The following COL5A1 variants were observed in gnomAD, a reference collection of about 807,000 sequenced individuals.
COL5A1 encodes the protein collagen type V alpha 1 chain.
Under a neutral mutation model 263.7 loss-of-function variants are expected in COL5A1, and 16 were observed. The ratio of observed to expected loss-of-function variants is 0.06; its 90% CI spans 0.04 to 0.09. COL5A1 has a LOEUF of 0.09. Ranked by LOEUF, COL5A1 falls within the 10% of genes least tolerant of loss-of-function variation. The pLI, the probability that COL5A1 is intolerant of heterozygous loss-of-function variation, is 1.00. For missense variants in COL5A1, 2,036 were observed against 2,540.5 expected, an observed-to-expected ratio of 0.80 and a Z score of 4.27; for synonymous variants, 1,012 against 1,004.5, an observed-to-expected ratio of 1.01 and a Z score of -0.14.
In COL5A1 at chr9:134,824,706, T is replaced by G. The variant is rs757152530; in HGVS notation, c.4805T>G (p.Val1602Gly). The G allele has an allele frequency of 6.2e-7, 1 of 1,614,124 alleles. No individual in the cohort carries two copies. Among genetic ancestry groups the G allele is most frequent in the South Asian group, 1.1e-5 (1 of 91,086 alleles). Residue 1602 changes from valine to glycine, a missense_variant, in exon 62 of 66, where the codon GTG becomes GGG. Val to Gly is a moderately radical substitution (Grantham distance 109, BLOSUM62 -3). This residue lies in a region of COL5A1 where 358 missense variants were observed against 384.6 expected (regional missense o/e 0.93). Coordinates refer to ENST00000371817, the MANE Select transcript of COL5A1 (RefSeq NM_000093.5). ...LLDDGNGENY[V>G]DYADGMEEIF... is the part of the protein sequence containing the mutation. ...GACGACGGGAATGGCGAGAACTACG[T>G]GGACTACGCGGACGGCATGGAAGAG...
At chr9:134,796,352 C>T (rs1045146663) in intron 34 of COL5A1, 22 bp from the exon 35 acceptor site, 5 of 1,613,204 alleles carry the variant, frequency 3.1e-6, no homozygotes, top group African/African-American at 2.7e-5. Flanking sequence ...TAAGCTTTTC[C>T]CCCCTCTCCT....
chr9:134,758,659 G>A lies in COL5A1; in HGVS notation c.1935+363G>A, dbSNP rs923705546. Reference sequence around the variant, plus strand: ...AATCCAAGCAGCTGCCATTTCAGGGGCGGCCAAGGACACTTTGCAATATTA... The same window carrying A: ...AATCCAAGCAGCTGCCATTTCAGGGACGGCCAAGGACACTTTGCAATATTA... On this transcript the variant is annotated intron_variant, in intron 18 of 65. Coordinates refer to ENST00000371817, the MANE Select transcript of COL5A1 (RefSeq NM_000093.5). The surrounding 1 kb of genome is among the most constrained non-coding windows in gnomAD (Gnocchi z 4.1). 1.3e-5 allele frequency among the ~76,000 whole-genome samples: 2 copies of A among 152,160 alleles called. No homozygotes were observed. Among genetic ancestry groups the A allele is most frequent in the Admixed American group, 6.5e-5 (1 of 15,278 alleles).
chr9:134,829,470 C>G (rs1839491137), intron 63 of COL5A1, among the ~76,000 whole-genome samples: 1 of 149,228 alleles, frequency 6.7e-6, no homozygotes, highest in Non-Finnish European at 1.5e-5. Flanking sequence ...TCCGGTCTCC[C>G]CGAGGGCCCA....
intron 24 of COL5A1, 104 bp downstream of exon 24, chr9:134,767,458 T>C: frequency 1.9e-6 from 2 of 1,079,708 alleles, no homozygotes; most frequent in South Asian, 2.6e-5. Context: ...TCAATGTATA[T>C]CTTGGTGCTC....
At chr9:134,719,828 C>T (rs960465077) in intron 4 of COL5A1, among the ~76,000 whole-genome samples, 23 of 152,194 alleles carry the variant, frequency 1.5e-4, no homozygotes, top group Middle Eastern at 3.2e-3. Context: ...GAGGTGACAC[C>T]TATTGCCCTG....
chr9:134,814,281 G>A (rs758340356), intron 49 of COL5A1, among the ~76,000 whole-genome samples: 8 of 152,206 alleles, frequency 5.3e-5, no homozygotes, highest in Non-Finnish European at 1.2e-4. Context: ...ACCCTCTGTA[G>A]TGTTTGCTCC....
At chr9:134,813,017 G>A (rs1426023816) in intron 48 of COL5A1, among the ~76,000 whole-genome samples, 1 of 152,116 alleles carries the variant, frequency 6.6e-6, no homozygotes, top group African/African-American at 2.4e-5. Flanking sequence ...TGCCCCACCA[G>A]CAAAGCCCCT....
chr9:134,657,630 G>A (rs576629399), intron 1 of COL5A1, among the ~76,000 whole-genome samples: 1 of 138,740 alleles, frequency 7.2e-6, no homozygotes, highest in African/African-American at 2.8e-5. Flanking sequence ...GATAATATGG[G>A]GGGTGGGGTA....
Position 134,790,851 on chromosome 9 carries a change from G to A in COL5A1, c.2700+1643G>A, listed in dbSNP as rs577042906. Among the ~76,000 whole-genome samples the A allele has an allele frequency of 7.2e-4, 109 of 152,018 alleles. 1 individual carries two copies. Among genetic ancestry groups the A allele is most frequent in the South Asian group, 3.7e-3 (18 of 4,802 alleles). On this transcript the variant is annotated intron_variant, in intron 32 of 65. Transcript: ENST00000371817. ...CCGGTGGGCTGCTCCTGTGCTGGGGGACCTTTCACACTGCACTGCAGTGAG... is the reference window on the plus strand; with the variant it reads ...CCGGTGGGCTGCTCCTGTGCTGGGGAACCTTTCACACTGCACTGCAGTGAG...
intron 1 of COL5A1, among the ~76,000 whole-genome samples, chr9:134,659,225 A>G (rs1436769352): frequency 6.6e-6 from 1 of 152,096 alleles, no homozygotes; most frequent in Non-Finnish European, 1.5e-5. Flanking sequence ...TGTCTCTACT[A>G]AAAATACAAA....
At chr9:134,732,149 C>T in intron 9 of COL5A1, 22 bp downstream of exon 9, 3 of 1,613,976 alleles carry the variant, frequency 1.9e-6, no homozygotes, top group African/African-American at 1.3e-5. Flanking sequence ...TTCTCATTCC[C>T]TCCCTGCGCC....
At chr9:134,784,082 C>T (rs563256340) in intron 29 of COL5A1, among the ~76,000 whole-genome samples, 1 of 152,238 alleles carries the variant, frequency 6.6e-6, no homozygotes, top group Admixed American at 6.5e-5. Context: ...ACCCCATATG[C>T]GGACCTCTTC....
chr9:134,837,485 T>C (rs992384592), intron 65 of COL5A1, among the ~76,000 whole-genome samples: 3 of 151,954 alleles, frequency 2.0e-5, no homozygotes, highest in Non-Finnish European at 4.4e-5. Flanking sequence ...ACTTCTTCCA[T>C]CCCAGTTCCT....
At position 134,700,305 on chromosome 9, in the gene COL5A1, A is replaced by T. The variant is rs1833623856; in HGVS notation, c.491+183A>T. On this transcript the variant is annotated intron_variant, in intron 3 of 65. Coordinates refer to ENST00000371817, the MANE Select transcript of COL5A1 (RefSeq NM_000093.5). The surrounding 1 kb of genome is among the most constrained non-coding windows in gnomAD (Gnocchi z 4.0). ...TCCTGAAACCTGGGTTATGGTCTTG[A>T]TTCATCCTCTGTGGCTCTGGGGAGT... is the stretch of plus-strand genomic sequence containing the variant. 6.6e-6 allele frequency among the ~76,000 whole-genome samples: 1 copy of T among 152,118 alleles called. No individual in the cohort carries two copies. The highest frequency in any genetic ancestry group is 1.5e-5 in the Non-Finnish European group (1 of 68,014).
At chr9:134,751,646 A>G (rs1485249687) in intron 13 of COL5A1, among the ~76,000 whole-genome samples, 1 of 149,752 alleles carries the variant, frequency 6.7e-6, no homozygotes, top group Non-Finnish European at 1.5e-5. Flanking sequence ...CGATAGGTGT[A>G]AACACTGCCC....
chr9:134,701,440 T>C, intron 4 of COL5A1, 107 bp downstream of exon 4: 1 of 1,080,152 alleles, frequency 9.3e-7, no homozygotes, highest in Non-Finnish European at 1.4e-6. Context: ...CGGCTGGCGG[T>C]CCACTGTGGT....
intron 37 of COL5A1, among the ~76,000 whole-genome samples, chr9:134,800,244 T>C (rs892898061): frequency 6.6e-6 from 1 of 152,166 alleles, no homozygotes; most frequent in African/African-American, 2.4e-5. Flanking sequence ...GTGTTAACTT[T>C]GACATTAGCA....
chr9:134,684,007 A>G (rs1402509108), intron 1 of COL5A1, among the ~76,000 whole-genome samples: 1 of 152,190 alleles, frequency 6.6e-6, no homozygotes, highest in Non-Finnish European at 1.5e-5. Context: ...TGCGTCACTC[A>G]AGAGGGTGGC....
chr9:134,778,116 G>T (rs1837117097), intron 27 of COL5A1, among the ~76,000 whole-genome samples: 1 of 152,242 alleles, frequency 6.6e-6, no homozygotes, highest in Non-Finnish European at 1.5e-5. Context: ...TGGTGAGACG[G>T]CAGGTGGTTT....
Sources: gnomAD v4.1 joint callset for allele counts (sites outside exome capture counted in the v4.1 genomes callset) on GRCh38, gnomAD v4.1.1 for gene constraint, gnomAD v4.1.1 regional missense constraint, Gnocchi (gnomAD v3.1) non-coding constraint, MANE v1.5 for transcripts, NCBI Gene and HGNC (gene_info 2026-07-23, HGNC 2026-07-21) for gene names.